PHACTR1: variants seen among roughly 807,000 people sequenced by gnomAD.
PHACTR1 encodes RPEL repeat containing 1.
A neutral mutation model predicts 69.2 loss-of-function variants in PHACTR1; 16 were observed. The ratio of observed to expected loss-of-function variants is 0.23; its 90% CI spans 0.16 to 0.35. PHACTR1 has a LOEUF of 0.35. Ranked by LOEUF, PHACTR1 falls within the 10% of genes least tolerant of loss-of-function variation. PHACTR1 has a pLI of 1.00. For missense variants in PHACTR1, 510 were observed against 734.7 expected (o/e 0.69, Z 3.54); for synonymous variants, 312 against 284.5 (o/e 1.10, Z -0.97).
chr6:13,092,140 G>A (rs1326126987), intron 5 of PHACTR1, among the ~76,000 whole-genome samples: 1 of 152,142 alleles, frequency 6.6e-6, no homozygotes, highest in Non-Finnish European at 1.5e-5. Context: ...GATCTGACAG[G>A]AGACGGAGCT....
At chr6:12,911,831 G>A (rs928293743) in intron 4 of PHACTR1, among the ~76,000 whole-genome samples, 4 of 152,128 alleles carry the variant, frequency 2.6e-5, no homozygotes, top group African/African-American at 9.7e-5. Context: ...AAGTAGCTAA[G>A]TCTTCTCCAC....
intron 6 of PHACTR1, among the ~76,000 whole-genome samples, chr6:13,175,879 T>G (rs1350646631): frequency 2.0e-5 from 3 of 152,066 alleles, no homozygotes; most frequent in Non-Finnish European, 4.4e-5. Context: ...ATGGGTCTGA[T>G]CATGCTCCTC....
At chr6:13,260,206 T>C (rs1433645143) in intron 10 of PHACTR1, among the ~76,000 whole-genome samples, 1 of 152,226 alleles carries the variant, frequency 6.6e-6, no homozygotes, top group African/African-American at 2.4e-5. Context: ...AAGATCTTCA[T>C]GTACGCAGGT....
At chr6:13,025,243 A>G (rs1048826874) in intron 4 of PHACTR1, among the ~76,000 whole-genome samples, 1 of 152,196 alleles carries the variant, frequency 6.6e-6, no homozygotes, top group Non-Finnish European at 1.5e-5. Context: ...TGACAGAGCA[A>G]CACTCCGTCT....
chr6:13,147,790 AT>A (rs1178419211), intron 5 of PHACTR1, among the ~76,000 whole-genome samples: 1 of 152,052 alleles, frequency 6.6e-6, no homozygotes, highest in Admixed American at 6.6e-5. Flanking sequence ...ATGTCGTTTA[AT>A]TTTTTTTATG....
chr6:13,168,669 C>T (rs1324482249), intron 6 of PHACTR1, among the ~76,000 whole-genome samples: 1 of 152,084 alleles, frequency 6.6e-6, no homozygotes, highest in Non-Finnish European at 1.5e-5. Context: ...GGGAAGGCAT[C>T]TTGGAAGGAG....
rs141056354 is a variant in PHACTR1 at position 13,191,125 on chromosome 6, C to T, written c.664+8439C>T. Among the ~76,000 whole-genome samples, 8 of 152,348 alleles carry T rather than the reference C, an allele frequency of 5.3e-5. No individual in the cohort carries two copies. In the East Asian group the frequency reaches 1.5e-3, roughly 29 times the overall value. On this transcript the variant is annotated intron_variant, in intron 7 of 14. Coordinates refer to ENST00000332995, the MANE Select transcript of PHACTR1 (RefSeq NM_030948.6). ...ACCCTCCATGTCCTCCTCTCCAACC[C>T]TCCAGAACCACCTGGCTACTTCTGC...
chr6:12,832,161 G>A (rs1205350316), intron 4 of PHACTR1, among the ~76,000 whole-genome samples: 1 of 152,056 alleles, frequency 6.6e-6, no homozygotes, highest in South Asian at 2.1e-4. Flanking sequence ...TGCCAACTAA[G>A]GTGATGCTCA....
Position 13,002,287 on chromosome 6 carries a change from C to T in PHACTR1, c.251-51078C>T, listed in dbSNP as rs188636416. Among the ~76,000 whole-genome samples the T allele has an allele frequency of 1.3e-3, 199 of 152,284 alleles. 1 individual carries two copies. Among genetic ancestry groups the T allele is most frequent in the Admixed American group, 8.7e-3 (133 of 15,292 alleles). ...CGGCCTGGCAAAATGTCAATATATA[C>T]TATAAAGCATTATATACATGTCCAC... On this transcript the variant is annotated intron_variant, in intron 4 of 14. Coordinates refer to ENST00000332995, the MANE Select transcript of PHACTR1 (RefSeq NM_030948.6).
At chr6:13,147,355 C>A (rs1001088271) in intron 5 of PHACTR1, among the ~76,000 whole-genome samples, 1 of 152,174 alleles carries the variant, frequency 6.6e-6, no homozygotes, top group African/African-American at 2.4e-5. Context: ...GAATATGCAG[C>A]CTGGTCCTTG....
intron 5 of PHACTR1, among the ~76,000 whole-genome samples, chr6:13,070,111 A>G (rs1468816895): frequency 2.0e-5 from 3 of 152,192 alleles, no homozygotes; most frequent in African/African-American, 4.8e-5. Flanking sequence ...CCCTGACTCT[A>G]TGAAATGATT....
intron 7 of PHACTR1, among the ~76,000 whole-genome samples, chr6:13,199,841 G>T (rs537894146): frequency 6.6e-6 from 1 of 152,178 alleles, no homozygotes; most frequent in East Asian, 1.9e-4. Flanking sequence ...AAGGCTCAAT[G>T]ACAAATGATT....
At chr6:12,749,193 C>A (rs536313291) in intron 3 of PHACTR1, among the ~76,000 whole-genome samples, 2 of 152,348 alleles carry the variant, frequency 1.3e-5, no homozygotes, top group South Asian at 4.1e-4. Context: ...GCAGCGTAAG[C>A]GCGTTTGGCG....
At chr6:13,016,663 T>C (rs1800225640) in intron 4 of PHACTR1, among the ~76,000 whole-genome samples, 1 of 152,010 alleles carries the variant, frequency 6.6e-6, no homozygotes, top group South Asian at 2.1e-4. Flanking sequence ...ATCTACTAAC[T>C]AGTATTAAAG....
chr6:12,757,465 A>AT (rs920631974), intron 4 of PHACTR1, among the ~76,000 whole-genome samples: 37 of 152,124 alleles, frequency 2.4e-4, no homozygotes, highest in Non-Finnish European at 3.8e-4. Flanking sequence ...CGTCTGACAG[A>AT]TTTTTTAAAG....
intron 4 of PHACTR1, among the ~76,000 whole-genome samples, chr6:12,758,992 C>T (rs1258694747): frequency 6.6e-6 from 1 of 151,712 alleles, no homozygotes; most frequent in Non-Finnish European, 1.5e-5. Flanking sequence ...GGCATGGTGG[C>T]ACATGCCTGT....
intron 4 of PHACTR1, among the ~76,000 whole-genome samples, chr6:12,754,182 A>C (rs78301356): frequency 0.1 from 14,205 of 141,900 alleles, 841 homozygotes; most frequent in African/African-American, 0.15. Flanking sequence ...ACTGTATTAG[A>C]CAAGATGGTC....
intron 10 of PHACTR1, among the ~76,000 whole-genome samples, chr6:13,265,230 A>G (rs1386580868): frequency 1.3e-5 from 2 of 152,220 alleles, no homozygotes; most frequent in East Asian, 3.9e-4. Context: ...AGGTGTTGTC[A>G]GTAACAGCCT....
intron 4 of PHACTR1, among the ~76,000 whole-genome samples, chr6:12,926,836 A>G (rs1446097647): frequency 1.3e-5 from 2 of 152,152 alleles, no homozygotes; most frequent in Non-Finnish European, 2.9e-5. Flanking sequence ...CAAAAGACCA[A>G]TCTCTTTTGT....
Sources: gnomAD v4.1 joint callset for allele counts (sites outside exome capture counted in the v4.1 genomes callset) on GRCh38, gnomAD v4.1.1 for gene constraint, MANE v1.5 for transcripts, NCBI Gene and HGNC (gene_info 2026-07-23, HGNC 2026-07-21) for gene names.